Variants in DKK3 observed in about 807,000 individuals in gnomAD.
DKK3 encodes the protein dickkopf-related protein 3.
In DKK3, 22 loss-of-function variants were observed where a neutral mutation model predicts 33.2. The observed-to-expected ratio is 0.66, with a 90% CI of 0.47 to 0.95. The LOEUF is 0.95. Among genes scored for constraint, DKK3 ranks in the 40% least tolerant of loss-of-function variants. The pLI, the probability that DKK3 is intolerant of heterozygous loss-of-function variation, is 0.00. For synonymous variants in DKK3, 194 were observed against 188.8 expected (o/e 1.03, Z -0.23); for missense variants, 398 against 458.4 (o/e 0.87, Z 1.20).
intron 3 of DKK3, 127 bp downstream of exon 3, chr11:11,998,569 G>A (rs1033755174): frequency 1.2e-5 from 10 of 812,688 alleles, no homozygotes; most frequent in Admixed American, 4.1e-5. Flanking sequence ...GAGGAATCTC[G>A]GTAGAAATGA....
At chr11:11,981,473 T>C (rs1436789603) in intron 3 of DKK3, among the ~76,000 whole-genome samples, 5 of 152,194 alleles carry the variant, frequency 3.3e-5, no homozygotes, top group Non-Finnish European at 7.3e-5. Flanking sequence ...TAAACGGTTG[T>C]TTTATACTGC....
rs1848580419 is a variant in DKK3 at position 12,008,312 on chromosome 11, A to C, written c.213+58T>G. 9 of 1,542,186 alleles carry C rather than the reference A, an allele frequency of 5.8e-6. No homozygotes were observed. Among genetic ancestry groups the C allele is most frequent in the Non-Finnish European group, 7.8e-6 (9 of 1,149,938 alleles). On this transcript the variant is annotated intron_variant, in intron 1 of 6. Coordinates refer to ENST00000683431, the MANE Select transcript of DKK3 (RefSeq NM_001018057.2). This position sits in a 1 kb window ranked among gnomAD's most constrained non-coding sequence, Gnocchi z 4.6. ...CCAGCGCTCTTCCATGCCTTCCCAG[A>C]CTTCGCTGCCCCCAGTCTGGCGCTT...
intron 3 of DKK3, among the ~76,000 whole-genome samples, chr11:11,991,665 T>C (rs573709414): frequency 1.3e-5 from 2 of 152,294 alleles, no homozygotes; most frequent in African/African-American, 4.8e-5. Flanking sequence ...CACCTTCATC[T>C]TCTGCCATGA....
intron 3 of DKK3, among the ~76,000 whole-genome samples, chr11:11,993,388 C>T (rs549639376): frequency 6.6e-6 from 1 of 151,550 alleles, no homozygotes; most frequent in South Asian, 2.1e-4. Context: ...TTTTTTTTCA[C>T]TTAATGTTTG....
Position 11,965,745 on chromosome 11 carries a change from GC to G in DKK3, c.830+63del, listed in dbSNP as rs1015206324. 49 of 1,566,188 alleles carry G rather than the reference GC, an allele frequency of 3.1e-5. No homozygotes were observed. In the African/African-American group the frequency reaches 6.0e-4, roughly 19 times the overall value. ...AGGGAAAACCTGCTCCTGCTCCTAC[GC>G]CCCTGCTGGATGGCACCTCCTCAGC... On this transcript the variant is annotated intron_variant, in intron 6 of 6. Transcript: ENST00000683431.
intron 3 of DKK3, among the ~76,000 whole-genome samples, chr11:11,997,462 G>T (rs1333687693): frequency 6.6e-6 from 1 of 152,134 alleles, no homozygotes; most frequent in East Asian, 1.9e-4. Context: ...TTTGGAAGCT[G>T]GCCTCTCTTC....
At chr11:11,999,555 G>A (rs984859303) in intron 2 of DKK3, among the ~76,000 whole-genome samples, 6 of 152,226 alleles carry the variant, frequency 3.9e-5, no homozygotes, top group African/African-American at 1.4e-4. Flanking sequence ...AACCTGGGCT[G>A]CAGAGGTTGC....
intron 3 of DKK3, among the ~76,000 whole-genome samples, chr11:11,973,415 C>T (rs1847766256): frequency 6.6e-6 from 1 of 152,210 alleles, no homozygotes; most frequent in African/African-American, 2.4e-5. Context: ...AAGGCAGGAA[C>T]TCACGGTCAA....
intron 3 of DKK3, among the ~76,000 whole-genome samples, chr11:11,971,161 G>A (rs752694344): frequency 6.6e-6 from 1 of 151,346 alleles, no homozygotes; most frequent in Non-Finnish European, 1.5e-5. Context: ...GTAAATATCT[G>A]AGAACAAGTG....
chr11:11,984,547 T>C (rs187096648), intron 3 of DKK3, among the ~76,000 whole-genome samples: 99 of 152,096 alleles, frequency 6.5e-4, no homozygotes, highest in African/African-American at 2.3e-3. Flanking sequence ...GTATCCAGAT[T>C]AAGAAAATAA....
intron 1 of DKK3, among the ~76,000 whole-genome samples, chr11:12,006,634 G>A (rs1364980805): frequency 6.6e-6 from 1 of 152,148 alleles, no homozygotes; most frequent in East Asian, 1.9e-4. Context: ...GGAAAGCTGG[G>A]GTCTTGGCAA....
At position 12,008,409 on chromosome 11, in the gene DKK3, C is replaced by T; in HGVS notation, c.174G>A (p.Met58Ile). The T allele has an allele frequency of 6.2e-7, 1 of 1,609,444 alleles. No homozygotes were observed. Among genetic ancestry groups the T allele is most frequent in the East Asian group, 2.2e-5 (1 of 44,720 alleles). Reference sequence around the variant, plus strand: ...TGCGCAATTTGTGCTGCGTGTCCTCCATCAGTTCCTCAACCTCGCGGAACA... The same window carrying T: ...TGCGCAATTTGTGCTGCGTGTCCTCTATCAGTTCCTCAACCTCGCGGAACA... ...NEMFREVEEL[M>I]EDTQHKLRSA... The change falls in exon 1 of 7, where the codon ATG (methionine) becomes ATA (isoleucine). Residue 58 changes from methionine to isoleucine, a missense_variant. Transcript: ENST00000683431. This position sits in a 1 kb window ranked among gnomAD's most constrained non-coding sequence, Gnocchi z 4.6.
intron 3 of DKK3, among the ~76,000 whole-genome samples, chr11:11,997,950 C>G (rs1848333787): frequency 6.6e-6 from 1 of 152,062 alleles, no homozygotes; most frequent in African/African-American, 2.4e-5. Flanking sequence ...TTCCTGCGGT[C>G]TTCATAAAAA....
At chr11:11,982,621 G>A (rs1847979493) in intron 3 of DKK3, among the ~76,000 whole-genome samples, 1 of 152,184 alleles carries the variant, frequency 6.6e-6, no homozygotes, top group African/African-American at 2.4e-5. Context: ...GTTCAGCCGT[G>A]GAGGGTAGCA....
intron 1 of DKK3, among the ~76,000 whole-genome samples, chr11:12,006,072 C>T (rs1228891222): frequency 6.6e-6 from 1 of 152,206 alleles, no homozygotes; most frequent in African/African-American, 2.4e-5. Context: ...AGCCACCTCA[C>T]AATGAAGCTA....
chr11:11,977,362 G>A (rs1278684020), intron 3 of DKK3, among the ~76,000 whole-genome samples: 2 of 151,934 alleles, frequency 1.3e-5, no homozygotes, highest in Non-Finnish European at 2.9e-5. Context: ...TCGGTCCCTG[G>A]AAAAGCTTGT....
chr11:12,004,542 C>T (rs1398384208), intron 1 of DKK3, among the ~76,000 whole-genome samples: 1 of 152,158 alleles, frequency 6.6e-6, no homozygotes, highest in Non-Finnish European at 1.5e-5. Context: ...CGGAGAGGAA[C>T]ACAGTGGAAA....
chr11:11,979,761 T>A (rs1470619544), intron 3 of DKK3: 1 of 152,480 alleles, frequency 6.6e-6, no homozygotes, highest in African/African-American at 2.4e-5. Context: ...ACCAGACTCC[T>A]TTCTGCAGCT....
At chr11:12,002,096 T>C (rs950733831) in intron 2 of DKK3, 2 of 516,740 alleles carry the variant, frequency 3.9e-6, no homozygotes, top group African/African-American at 1.9e-5. Context: ...ATTGCTTAAA[T>C]GCAAAAGCAG....
Sources: allele counts gnomAD v4.1 joint callset (sites outside exome capture counted in the v4.1 genomes callset), GRCh38; gene constraint gnomAD v4.1.1; non-coding constraint Gnocchi (gnomAD v3.1); transcripts MANE v1.5; gene names NCBI Gene and HGNC (gene_info 2026-07-23, HGNC 2026-07-21).